ALDH3B2: variants seen among roughly 807,000 people sequenced by gnomAD.
ALDH3B2 encodes aldehyde dehydrogenase family 3 member B2.
In ALDH3B2, 45 loss-of-function variants were observed where a neutral mutation model predicts 36.7. That is an observed-to-expected ratio of 1.23 (90% CI 0.97 to 1.57). The LOEUF (loss-of-function observed/expected upper bound fraction) is 1.57, where lower values mean the gene tolerates loss of function less well. ALDH3B2 is among the 40% of genes most tolerant of loss of function. The probability of loss-of-function intolerance (pLI) is 0.00; values close to 1 mark genes in which losing one functional copy is unlikely to be tolerated. For synonymous variants in ALDH3B2, 217 were observed against 226.5 expected (o/e 0.96, Z 0.38); for missense variants, 464 against 513.3 (o/e 0.90, Z 0.93).
chr11:67,664,581 G>T lies in ALDH3B2; in HGVS notation c.707-19C>A. ...GTGGGGGCTGCGGGCACCAGAGACG[G>T]CTCAGCCCTGGGGCCACAGTCAGGA... On this transcript the variant is annotated intron_variant, in intron 7 of 9. Coordinates refer to ENST00000349015, the Ensembl canonical transcript of ALDH3B2. 2 of 1,611,422 alleles carry T rather than the reference G, an allele frequency of 1.2e-6. No individual in the cohort carries two copies.
In ALDH3B2 at chr11:67,663,024, G is replaced by A. The variant is rs918351474; in HGVS notation, c.*191C>T. Reference sequence around the variant, plus strand: ...TCTGCGGCCTCTTGGCCTCTCTCGAGCAGCGTCCCCCAGATAGAAGCAAGA... The same window carrying A: ...TCTGCGGCCTCTTGGCCTCTCTCGAACAGCGTCCCCCAGATAGAAGCAAGA... On this transcript the variant is annotated 3_prime_UTR_variant, in exon 10 of 10. Transcript: ENST00000349015. The A allele has an allele frequency of 5.6e-6, 4 of 713,610 alleles. No individual in the cohort carries two copies. In the South Asian group the frequency reaches 7.4e-5, roughly 13 times the overall value. 44.2% of individuals were successfully genotyped at this position (713,610 alleles called of 1,614,324 possible).
chr11:67,664,084 G>A (rs1855828789), intron 8 of ALDH3B2: 6 of 554,526 alleles, frequency 1.1e-5, no homozygotes, highest in South Asian at 2.2e-5. Flanking sequence ...GCTCTATCAG[G>A]CCCCTGCTCT....
intron 1 of ALDH3B2, chr11:67,671,219 G>A (rs1349659612): frequency 6.6e-6 from 1 of 152,306 alleles, no homozygotes; most frequent in Non-Finnish European, 1.5e-5. Context: ...TCCCAGGTGA[G>A]GCAGGTGGGG....
intron 1 of ALDH3B2, among the ~76,000 whole-genome samples, chr11:67,673,538 C>A (rs4646820): frequency 0.72 from 109,984 of 152,148 alleles, 41,849 homozygotes; most frequent in South Asian, 0.9. Context: ...GTGCAAAAGC[C>A]CTGTGGGGGC....
chr11:67,666,163 C>T (rs1481338708), exon 6 of ALDH3B2: 2 of 1,614,222 alleles, frequency 1.2e-6, no homozygotes, highest in Non-Finnish European at 1.7e-6. Context: ...TAGCAGCTGC[C>T]CTGTCTCCTG....
At chr11:67,677,617 G>A (rs1184059547), upstream of ALDH3B2, among the ~76,000 whole-genome samples, 1 of 152,054 alleles carries the variant, frequency 6.6e-6, no homozygotes, top group Non-Finnish European at 1.5e-5. Flanking sequence ...AATCAGATGA[G>A]AAAAAGAAAT....
intron 1 of ALDH3B2, among the ~76,000 whole-genome samples, chr11:67,672,752 G>C (rs1856162920): frequency 6.6e-6 from 1 of 151,188 alleles, no homozygotes; most frequent in South Asian, 2.1e-4. Flanking sequence ...CCCATGCCCA[G>C]CTAATTTTTA....
chr11:67,678,727 G>A (rs1277164546), upstream of ALDH3B2, among the ~76,000 whole-genome samples: 4 of 124,476 alleles, frequency 3.2e-5, no homozygotes, highest in Non-Finnish European at 5.2e-5. Context: ...ATATATACAC[G>A]CTATGGCATA....
chr11:67,663,278 A>G (rs1048542029), exon 10 of ALDH3B2: 1 of 1,614,046 alleles, frequency 6.2e-7, no homozygotes, highest in African/African-American at 1.3e-5. Context: ...TCCAGTCGGT[A>G]TAGGGTGGGT....
At chr11:67,664,596 C>G in intron 7 of ALDH3B2, 34 bp from the exon 8 acceptor site, 1 of 1,609,326 alleles carries the variant, frequency 6.2e-7, no homozygotes, top group South Asian at 1.1e-5. Context: ...GCCCTGGGGC[C>G]ACAGTCAGGA....
At chr11:67,666,741 A>C in intron 3 of ALDH3B2, 47 bp from the exon 4 acceptor site, 3 of 1,611,792 alleles carry the variant, frequency 1.9e-6, no homozygotes, top group Non-Finnish European at 2.5e-6. Context: ...GCCACCCCAA[A>C]GCCCACCCAC....
At chr11:67,665,553 G>C in exon 7 of ALDH3B2, 1 of 1,614,124 alleles carries the variant, frequency 6.2e-7, no homozygotes, top group East Asian at 2.2e-5. Flanking sequence ...GGTTGGCCAC[G>C]GTCTGGGGGT....
rs377366721 is a variant in ALDH3B2, at chr11:67,666,296, T to G, written c.237+20A>C. 326 of 1,609,970 alleles carry G rather than the reference T, an allele frequency of 2.0e-4. No homozygotes were observed. The highest frequency in any genetic ancestry group is 2.5e-4 in the Non-Finnish European group (297 of 1,177,952). The stretch of plus-strand genomic sequence containing the variant: ...GATATATGGGGACGTCGGGCACTGC[T>G]GGGGCAGGGCCACCCTCACCTGGTC... On this transcript the variant is annotated intron_variant, in intron 5 of 9. Transcript: ENST00000349015.
At chr11:67,670,582 T>A (rs990640269) in intron 1 of ALDH3B2, among the ~76,000 whole-genome samples, 1 of 152,170 alleles carries the variant, frequency 6.6e-6, no homozygotes, top group Non-Finnish European at 1.5e-5. Context: ...GCAGGGACAG[T>A]GCTCGCCCAT....
intron 3 of ALDH3B2, 81 bp from the exon 4 acceptor site, chr11:67,666,775 CT>C: frequency 6.2e-7 from 1 of 1,608,278 alleles, no homozygotes; most frequent in East Asian, 2.2e-5. Flanking sequence ...CCTCAGCTCC[CT>C]GTGCGATGGA....
chr11:67,665,568 G>GAC lies in ALDH3B2; in HGVS notation c.422_423insGT (p.Asn141LysfsTer110). ...GGTTGGCCACGGTCTGGGGGTCGCA[G>GAC]TTGTCGTCCACGTAGCAGGGGTTCT... On this transcript the variant is annotated frameshift_variant, in exon 7 of 10. Transcript: ENST00000349015. LOFTEE classifies it high-confidence loss of function. 1 of 1,614,142 alleles carries GAC rather than the reference G, an allele frequency of 6.2e-7. No homozygotes were observed. Among genetic ancestry groups the GAC allele is most frequent in the Non-Finnish European group, 8.5e-7 (1 of 1,180,022 alleles).
chr11:67,673,341 C>T (rs966326097), intron 1 of ALDH3B2, among the ~76,000 whole-genome samples: 1 of 152,168 alleles, frequency 6.6e-6, no homozygotes, highest in Admixed American at 6.5e-5. Context: ...ACTTGGCCAG[C>T]CCCCATGGAG....
exon 7 of ALDH3B2, chr11:67,665,637 A>C (rs1326244951): frequency 2.2e-5 from 35 of 1,613,020 alleles, no homozygotes; most frequent in Non-Finnish European, 2.6e-5. Context: ...GCTTGGTGGC[A>C]GCAGTCATGA....
At chr11:67,663,836 G>C in intron 8 of ALDH3B2, 75 bp from the exon 9 acceptor site, 1 of 1,320,804 alleles carries the variant, frequency 7.6e-7, no homozygotes, top group Non-Finnish European at 1.0e-6. Context: ...ATTCCACAGC[G>C]GAGGTGAGCC....
Sources: gnomAD v4.1 joint callset for allele counts (sites outside exome capture counted in the v4.1 genomes callset) on GRCh38, gnomAD v4.1.1 for gene constraint, MANE v1.5 for transcripts, NCBI Gene and HGNC (gene_info 2026-07-23, HGNC 2026-07-21) for gene names.